Variants in PARP8 observed in about 807,000 individuals in gnomAD.
PARP8 encodes protein mono-ADP-ribosyltransferase PARP8.
In PARP8, 51 loss-of-function variants were observed where a neutral mutation model predicts 124.1. That is an observed-to-expected ratio of 0.41 (90% confidence interval 0.33 to 0.52). PARP8 has a LOEUF of 0.52. Among genes scored for constraint, PARP8 ranks in the 20% least tolerant of loss-of-function variants. The pLI is 0.21. For missense variants in PARP8, 860 were observed against 1,018.9 expected, an observed-to-expected ratio of 0.84 and a Z score of 2.12; for synonymous variants, 391 against 361.5, an observed-to-expected ratio of 1.08 and a Z score of -0.93.
intron 3 of PARP8, among the ~76,000 whole-genome samples, chr5:50,755,099 G>C (rs1759774512): frequency 6.6e-6 from 1 of 152,152 alleles, no homozygotes; most frequent in African/African-American, 2.4e-5. Context: ...CAGATGAGTA[G>C]ATTGCAAACA....
chr5:50,839,095 A>G (rs912360070), intron 25 of PARP8, among the ~76,000 whole-genome samples: 1 of 151,920 alleles, frequency 6.6e-6, no homozygotes, highest in Non-Finnish European at 1.5e-5. Context: ...AATAATTTCA[A>G]AAGTTTTTAT....
intron 18 of PARP8, among the ~76,000 whole-genome samples, chr5:50,825,840 C>G (rs1159533131): frequency 6.6e-6 from 1 of 152,126 alleles, no homozygotes; most frequent in African/African-American, 2.4e-5. Context: ...GCAAAAGAAT[C>G]TGGCTTCCTC....
At chr5:50,783,599 T>C (rs1467315751) in intron 9 of PARP8, among the ~76,000 whole-genome samples, 1 of 152,188 alleles carries the variant, frequency 6.6e-6, no homozygotes, top group African/African-American at 2.4e-5. Flanking sequence ...GCTTTCTTAG[T>C]GATGGCCACC....
intron 22 of PARP8, among the ~76,000 whole-genome samples, chr5:50,830,500 A>G (rs1746829934): frequency 6.6e-6 from 1 of 152,206 alleles, no homozygotes; most frequent in African/African-American, 2.4e-5. Context: ...TTCAAAATGT[A>G]GAAAGAATGA....
chr5:50,732,766 C>A (rs140041711), intron 2 of PARP8, among the ~76,000 whole-genome samples: 1 of 151,578 alleles, frequency 6.6e-6, no homozygotes, highest in African/African-American at 2.4e-5. Context: ...CTACAGGCAC[C>A]CACCACCACG....
chr5:50,749,357 CTG>C (rs1383507234), intron 2 of PARP8, among the ~76,000 whole-genome samples: 1 of 151,982 alleles, frequency 6.6e-6, no homozygotes, highest in Non-Finnish European at 1.5e-5. Flanking sequence ...TAAACATGTG[CTG>C]TGTGTCATGC....
chr5:50,842,169 C>T lies in PARP8; in HGVS notation c.*101C>T. 1.3e-6 allele frequency: 1 copy of T among 792,398 alleles called. No individual in the cohort carries two copies. 49.1% of individuals were successfully genotyped at this position (792,398 alleles called of 1,614,324 possible). A position where few individuals can be genotyped will look rare whatever the true frequency, so the allele number is the denominator to read the frequency against. On this transcript the variant is annotated 3_prime_UTR_variant, in exon 26 of 26. Transcript: ENST00000281631. ...TAAAATTATTTATTGTTATTATAAA[C>T]AAAATTAACCCTTTGAATACTGATT...
chr5:50,741,995 A>G (rs1758094778), intron 2 of PARP8: 1 of 338,256 alleles, frequency 3.0e-6, no homozygotes, highest in Admixed American at 4.2e-5. Flanking sequence ...TTTTTAGTAG[A>G]GACAGGGTTT....
intron 2 of PARP8, among the ~76,000 whole-genome samples, chr5:50,720,258 T>C (rs923661466): frequency 5.3e-5 from 8 of 152,040 alleles, no homozygotes; most frequent in African/African-American, 1.4e-4. Flanking sequence ...AGTAGTACGT[T>C]TTGGGCCCCT....
intron 2 of PARP8, among the ~76,000 whole-genome samples, chr5:50,732,210 A>G (rs1352393131): frequency 6.6e-6 from 1 of 152,234 alleles, no homozygotes; most frequent in Non-Finnish European, 1.5e-5. Context: ...CAGTAGAAAT[A>G]CAATACGATA....
At chr5:50,827,814 A>G in intron 19 of PARP8, 130 bp from the exon 20 acceptor site, 2 of 653,286 alleles carry the variant, frequency 3.1e-6, no homozygotes, top group Admixed American at 5.6e-5. Context: ...TAGCTTGCTA[A>G]TGTGGTTAGT....
chr5:50,742,887 T>C (rs1758191915), intron 2 of PARP8, among the ~76,000 whole-genome samples: 1 of 151,510 alleles, frequency 6.6e-6, no homozygotes, highest in Non-Finnish European at 1.5e-5. Flanking sequence ...ATTGAAGGAG[T>C]CGAAGATGCT....
At chr5:50,800,837 A>G (rs1359904167) in intron 14 of PARP8, among the ~76,000 whole-genome samples, 1 of 151,266 alleles carries the variant, frequency 6.6e-6, no homozygotes, top group Non-Finnish European at 1.5e-5. Flanking sequence ...GCTCACTGCA[A>G]CCTCAACCTT....
chr5:50,740,434 C>G (rs772325337), intron 2 of PARP8, among the ~76,000 whole-genome samples: 2 of 151,792 alleles, frequency 1.3e-5, no homozygotes, highest in Non-Finnish European at 2.9e-5. Flanking sequence ...ATAGAGAGAA[C>G]AGTGGAGCAT....
intron 7 of PARP8, among the ~76,000 whole-genome samples, chr5:50,764,675 C>T (rs1444488757): frequency 2.0e-5 from 3 of 152,136 alleles, no homozygotes; most frequent in African/African-American, 4.8e-5. Context: ...AGCAAATTAG[C>T]TGCAATAATT....
At chr5:50,696,231 T>G (rs1011444705) in intron 2 of PARP8, among the ~76,000 whole-genome samples, 3 of 152,172 alleles carry the variant, frequency 2.0e-5, no homozygotes, top group African/African-American at 7.2e-5. Flanking sequence ...TTGGGCTGTT[T>G]TACAGAAATA....
chr5:50,768,831 T>C (rs1580271843), intron 7 of PARP8, among the ~76,000 whole-genome samples: 1 of 152,234 alleles, frequency 6.6e-6, no homozygotes, highest in East Asian at 1.9e-4. Flanking sequence ...AATCTCTCAG[T>C]GGGAAATATG....
intron 9 of PARP8, among the ~76,000 whole-genome samples, chr5:50,783,318 G>A (rs1459246590): frequency 3.3e-5 from 5 of 152,142 alleles, no homozygotes; most frequent in African/African-American, 1.2e-4. Context: ...TAACCGGAAG[G>A]TAGTTGGCAA....
intron 2 of PARP8, among the ~76,000 whole-genome samples, chr5:50,681,052 A>AGT (rs1477501908): frequency 3.3e-5 from 5 of 152,114 alleles, no homozygotes; most frequent in Non-Finnish European, 7.4e-5. Context: ...TTATGTAGAT[A>AGT]TTTTCCCTAG....
Sources: allele counts gnomAD v4.1 joint callset (sites outside exome capture counted in the v4.1 genomes callset), GRCh38; gene constraint gnomAD v4.1.1; transcripts MANE v1.5; gene names NCBI Gene and HGNC (gene_info 2026-07-23, HGNC 2026-07-21).